Variants in GOLM1 observed in about 807,000 individuals in gnomAD.
The protein encoded by GOLM1 is golgi membrane protein 1, also known as epididymis luminal protein 46.
In GOLM1, 31 loss-of-function variants were observed where a neutral mutation model predicts 50.5. The observed-to-expected ratio is 0.61, with a 90% CI of 0.46 to 0.83. The LOEUF (loss-of-function observed/expected upper bound fraction) is 0.83. Among genes scored for constraint, GOLM1 ranks in the 40% least tolerant of loss-of-function variants. GOLM1 has a pLI of 0.00. For missense variants in GOLM1, 491 were observed against 501.3 expected (o/e 0.98, Z 0.20); for synonymous variants, 178 against 192.8 (o/e 0.92, Z 0.64).
chr9:86,049,805 T>C (rs1833678715), intron 4 of GOLM1, among the ~76,000 whole-genome samples: 1 of 152,248 alleles, frequency 6.6e-6, no homozygotes, highest in African/African-American at 2.4e-5. Context: ...AATCATGTCA[T>C]CTGCAAACAG....
intron 1 of GOLM1, among the ~76,000 whole-genome samples, chr9:86,089,143 G>A (rs1166263735): frequency 6.6e-6 from 1 of 152,156 alleles, no homozygotes; most frequent in African/African-American, 2.4e-5. Context: ...AGTCTGATGG[G>A]CTTCCCTTTG....
intron 4 of GOLM1, among the ~76,000 whole-genome samples, chr9:86,050,240 T>C (rs550269883): frequency 6.6e-6 from 1 of 152,268 alleles, no homozygotes; most frequent in Admixed American, 6.5e-5. Context: ...TGGATAAGCT[T>C]TTTGATGTGC....
intron 3 of GOLM1, among the ~76,000 whole-genome samples, chr9:86,073,139 TA>T (rs1834499217): frequency 6.6e-6 from 1 of 152,158 alleles, no homozygotes; most frequent in African/African-American, 2.4e-5. Flanking sequence ...TTTTTATTTT[TA>T]AAAGTGTAAT....
Position 86,095,664 on chromosome 9 carries a change from C to T in GOLM1, c.-22+3747G>A, listed in dbSNP as rs549770121. Among the ~76,000 whole-genome samples, 7 of 152,224 alleles carry T rather than the reference C, an allele frequency of 4.6e-5. No homozygotes were observed. The South Asian group carries it at 8.3e-4, about 18-fold the overall frequency. ...TCCTGGCTGCCTGGAAGATTATGCG[C>T]GCGTGGGAAAGACCCAAAAGAGCCC... On this transcript the variant is annotated intron_variant, in intron 1 of 9. Coordinates refer to ENST00000388712, the MANE Select transcript of GOLM1 (RefSeq NM_016548.4).
intron 3 of GOLM1, among the ~76,000 whole-genome samples, chr9:86,054,152 G>A (rs1429554974): frequency 1.3e-5 from 2 of 152,128 alleles, no homozygotes; most frequent in African/African-American, 4.8e-5. Flanking sequence ...CAACGACAAA[G>A]TGAAAAGTAG....
chr9:86,062,444 G>T (rs965108697), intron 3 of GOLM1, among the ~76,000 whole-genome samples: 20 of 151,690 alleles, frequency 1.3e-4, no homozygotes, highest in African/African-American at 4.4e-4. Flanking sequence ...AGGATGGTGA[G>T]GAGAGGGAGA....
chr9:86,056,662 C>T (rs893823841), intron 3 of GOLM1, among the ~76,000 whole-genome samples: 20 of 151,832 alleles, frequency 1.3e-4, no homozygotes, highest in South Asian at 2.1e-4. Context: ...CCCGCCACCA[C>T]GCCTGGCTAA....
In GOLM1 at chr9:86,047,794, C is replaced by T. The variant is rs10124791; in HGVS notation, c.365-1222G>A. Among the ~76,000 whole-genome samples the T allele has an allele frequency of 2.2e-3, 339 of 152,194 alleles. 1 individual carries two copies. The highest frequency in any genetic ancestry group is 7.6e-3 in the African/African-American group (317 of 41,498). On this transcript the variant is annotated intron_variant, in intron 4 of 9. Coordinates refer to ENST00000388712, the MANE Select transcript of GOLM1 (RefSeq NM_016548.4). ...TTGTATCACAGTGACATGGACGAAT[C>T]GCAAATAACTATGCTGAGAGAGAAA...
intron 1 of GOLM1, among the ~76,000 whole-genome samples, chr9:86,095,737 G>A (rs929723303): frequency 1.3e-5 from 2 of 152,196 alleles, no homozygotes; most frequent in Admixed American, 1.3e-4. Context: ...GAAACTTGCA[G>A]TGTTCCCCAA....
At chr9:86,088,567 GTTTTGTTT>G (rs1835065136) in intron 1 of GOLM1, among the ~76,000 whole-genome samples, 1 of 58,798 alleles carries the variant, frequency 1.7e-5, no homozygotes, top group South Asian at 4.7e-4. Context: ...GCAACTCCTG[GTTTTGTTT>G]TTTTTTTTTT....
chr9:86,050,600 T>C (rs987372800), intron 4 of GOLM1, among the ~76,000 whole-genome samples: 1 of 152,228 alleles, frequency 6.6e-6, no homozygotes. Flanking sequence ...GGAGGGTGTA[T>C]GTGTCCAGGA....
At chr9:86,088,457 T>TATATA (rs1835058531) in intron 1 of GOLM1, among the ~76,000 whole-genome samples, 1 of 134,892 alleles carries the variant, frequency 7.4e-6, no homozygotes, top group African/African-American at 2.7e-5. Flanking sequence ...TATATATATA[T>TATATA]TTAGGATAGA....
chr9:86,095,410 C>CTT (rs529708521), intron 1 of GOLM1, among the ~76,000 whole-genome samples: 4 of 130,792 alleles, frequency 3.1e-5, no homozygotes, highest in African/African-American at 7.0e-5. Context: ...TGTATTTTCC[C>CTT]TTTTTTTTTT....
Position 86,027,278 on chromosome 9 carries a change from T to G in GOLM1, c.*539A>C, listed in dbSNP as rs1187794337. The G allele has an allele frequency of 1.4e-5, 14 of 985,398 alleles. No homozygotes were observed. The highest frequency in any genetic ancestry group is 1.7e-5 in the Non-Finnish European group (14 of 829,982). The allele number at this position is 985,398 out of a possible 1,614,324, so 61.0% of individuals were successfully genotyped here. Reference sequence around the variant, plus strand: ...CTGTTGCTACTTTGCTAGTGACGTTTGTGTTAACAGTCAGTGCTCTAGGCC... The same window carrying G: ...CTGTTGCTACTTTGCTAGTGACGTTGGTGTTAACAGTCAGTGCTCTAGGCC... On this transcript the variant is annotated 3_prime_UTR_variant, in exon 10 of 10. Coordinates refer to ENST00000388712, the MANE Select transcript of GOLM1 (RefSeq NM_016548.4).
chr9:86,082,035 T>A (rs552793916), intron 1 of GOLM1, among the ~76,000 whole-genome samples: 1 of 131,108 alleles, frequency 7.6e-6, no homozygotes, highest in African/African-American at 2.8e-5. Context: ...CTTTTTTTTT[T>A]TTTTTTTTTT....
chr9:86,053,507 CTG>C (rs1224645101), intron 3 of GOLM1, among the ~76,000 whole-genome samples: 21 of 105,282 alleles, frequency 2.0e-4, no homozygotes, highest in Non-Finnish European at 2.3e-4. Context: ...ACACTACACA[CTG>C]CTCCACACAA....
intron 1 of GOLM1, among the ~76,000 whole-genome samples, chr9:86,081,194 A>ATT (rs141790142): frequency 8.2e-5 from 11 of 133,702 alleles, no homozygotes; most frequent in African/African-American, 2.8e-4. Flanking sequence ...AGCCTCAATG[A>ATT]TTTTTTTTTT....
intron 1 of GOLM1, among the ~76,000 whole-genome samples, chr9:86,083,634 T>C (rs1450939158): frequency 6.6e-6 from 1 of 152,194 alleles, no homozygotes; most frequent in Non-Finnish European, 1.5e-5. Flanking sequence ...GTGATCTGCC[T>C]GCCTCGGCCT....
intron 3 of GOLM1, among the ~76,000 whole-genome samples, chr9:86,073,231 A>G (rs2118832603): frequency 6.6e-6 from 1 of 152,310 alleles, no homozygotes; most frequent in African/African-American, 2.4e-5. Context: ...AGAAAAAAAA[A>G]AAAGTACATG....
Sources: allele counts gnomAD v4.1 joint callset (sites outside exome capture counted in the v4.1 genomes callset), GRCh38; gene constraint gnomAD v4.1.1; transcripts MANE v1.5; gene names NCBI Gene and HGNC (gene_info 2026-07-23, HGNC 2026-07-21).